The following RANBP17 variants were observed in gnomAD, a reference collection of about 807,000 sequenced individuals.
RANBP17 encodes RAN binding protein 17.
A neutral mutation model predicts 141.2 loss-of-function variants in RANBP17; 158 were observed. The observed-to-expected ratio is 1.12, with a 90% CI of 0.98 to 1.28. RANBP17 has a LOEUF of 1.28. Among genes scored for constraint, RANBP17 ranks in the 50% most tolerant of loss-of-function variants. The pLI is 0.00. For synonymous variants in RANBP17, 430 were observed against 450.0 expected (o/e 0.96, Z 0.56); for missense variants, 1,438 against 1,290.7 (o/e 1.11, Z -1.75).
At chr5:170,965,930 G>A in intron 13 of RANBP17, among the ~76,000 whole-genome samples, 1 of 152,086 alleles carries the variant, frequency 6.6e-6, no homozygotes, top group Non-Finnish European at 1.5e-5. Context: ...TTCCAATTCT[G>A]TGAAGAAAGT....
At position 171,298,877 on chromosome 5, in the gene RANBP17, G is replaced by T. The variant is rs1274674321; in HGVS notation, c.*19G>T. ...GAGCTGACCCGACTTTTCTGACCAT[G>T]TGCGGAGCAGCCTTTATCAAGAGAC... On this transcript the variant is annotated 3_prime_UTR_variant, in exon 28 of 28. Transcript: ENST00000523189. The T allele has an allele frequency of 6.3e-7, 1 of 1,596,522 alleles. No homozygotes were observed. Among genetic ancestry groups the T allele is most frequent in the Non-Finnish European group, 8.6e-7 (1 of 1,164,148 alleles).
intron 20 of RANBP17, among the ~76,000 whole-genome samples, chr5:171,210,347 A>G (rs1180843382): frequency 1.3e-5 from 2 of 152,050 alleles, no homozygotes; most frequent in South Asian, 2.1e-4. Context: ...TGTCAGAAGC[A>G]TATTAGAATT....
At chr5:170,933,836 A>G (rs930287778) in intron 12 of RANBP17, among the ~76,000 whole-genome samples, 5 of 152,130 alleles carry the variant, frequency 3.3e-5, no homozygotes, top group Non-Finnish European at 7.3e-5. Flanking sequence ...ACTTCCAACT[A>G]TGTGGTCAAT....
At chr5:170,898,079 C>A (rs1297249723) in intron 5 of RANBP17, among the ~76,000 whole-genome samples, 1 of 152,158 alleles carries the variant, frequency 6.6e-6, no homozygotes, top group Non-Finnish European at 1.5e-5. Context: ...CTGTTGTTTC[C>A]TGACTTTTTA....
At chr5:171,224,536 G>A (rs1333297251) in intron 22 of RANBP17, among the ~76,000 whole-genome samples, 1 of 152,180 alleles carries the variant, frequency 6.6e-6, no homozygotes, top group Non-Finnish European at 1.5e-5. Context: ...GGCTTCAAAG[G>A]TTGTTCTGTT....
At chr5:170,880,819 CAT>C (rs763921987) in intron 2 of RANBP17, among the ~76,000 whole-genome samples, 1 of 152,302 alleles carries the variant, frequency 6.6e-6, no homozygotes, top group East Asian at 1.9e-4. Flanking sequence ...ATATGATAGA[CAT>C]GTGCTGGTAA....
chr5:171,041,961 T>A (rs999349434), intron 14 of RANBP17, among the ~76,000 whole-genome samples: 1 of 152,110 alleles, frequency 6.6e-6, no homozygotes, highest in Non-Finnish European at 1.5e-5. Flanking sequence ...TTCTCATTAT[T>A]CTGCTCCCAC....
chr5:171,251,916 T>C (rs1765594116), intron 24 of RANBP17: 2 of 1,586,618 alleles, frequency 1.3e-6, no homozygotes, highest in Non-Finnish European at 8.7e-7. Context: ...TTCCAGTGAA[T>C]GAGCACTATT....
At chr5:170,914,843 G>GTTATTAAAAATTGT in intron 8 of RANBP17, among the ~76,000 whole-genome samples, 1 of 152,080 alleles carries the variant, frequency 6.6e-6, no homozygotes, top group East Asian at 1.9e-4. Context: ...ATCTGTCAAG[G>GTTATTAAAAATTGT]TTATTAAAAA....
intron 1 of RANBP17, among the ~76,000 whole-genome samples, chr5:170,862,309 C>A (rs955384221): frequency 6.6e-6 from 1 of 152,162 alleles, no homozygotes; most frequent in Non-Finnish European, 1.5e-5. Context: ...GGGCGGGGGA[C>A]AGGCCCAGGG....
At chr5:171,234,691 A>G (rs1183091787) in intron 22 of RANBP17, among the ~76,000 whole-genome samples, 1 of 152,220 alleles carries the variant, frequency 6.6e-6, no homozygotes. Context: ...AGATTTGAGC[A>G]CAAGCAACTA....
chr5:170,885,243 T>A (rs1769046682), intron 3 of RANBP17, among the ~76,000 whole-genome samples: 1 of 152,216 alleles, frequency 6.6e-6, no homozygotes, highest in Admixed American at 6.5e-5. Context: ...TTTTCTATAT[T>A]TAGCCAAGAT....
chr5:171,275,081 C>T (rs890593740), intron 25 of RANBP17, among the ~76,000 whole-genome samples: 1 of 152,012 alleles, frequency 6.6e-6, no homozygotes, highest in African/African-American at 2.4e-5. Context: ...GGATGGAATC[C>T]ACCAGATGTA....
rs188294667 is a variant in RANBP17, at chr5:170,979,638, C to G, written c.1710+11261C>G. ...ATAAAGGGGAGTTGTCCTGCATAAG[C>G]TATCTTAATTTGCCTGCTGCCATCC... On this transcript the variant is annotated intron_variant, in intron 14 of 27. Coordinates refer to ENST00000523189, the MANE Select transcript of RANBP17 (RefSeq NM_022897.5). Among the ~76,000 whole-genome samples the G allele has an allele frequency of 2.6e-4, 39 of 152,310 alleles. No individual in the cohort carries two copies. The East Asian group carries it at 7.2e-3, about 28-fold the overall frequency.
chr5:170,921,358 C>T (rs1772447516), intron 11 of RANBP17, among the ~76,000 whole-genome samples: 1 of 152,110 alleles, frequency 6.6e-6, no homozygotes. Context: ...ATAATTTCCC[C>T]ATTGCTTGTT....
chr5:170,928,770 C>G (rs954345494), intron 12 of RANBP17, among the ~76,000 whole-genome samples: 1 of 146,588 alleles, frequency 6.8e-6, no homozygotes, highest in African/African-American at 2.5e-5. Context: ...ATTATTTAAC[C>G]TTTTTTTTTT....
At chr5:170,976,795 A>C (rs1263775299) in intron 14 of RANBP17, among the ~76,000 whole-genome samples, 1 of 152,146 alleles carries the variant, frequency 6.6e-6, no homozygotes, top group Non-Finnish European at 1.5e-5. Flanking sequence ...ATGCTGGTAC[A>C]ACTGGATATT....
intron 25 of RANBP17, among the ~76,000 whole-genome samples, chr5:171,277,938 C>CTTTTTTTTTTTTTTTTTTTT (rs140208253): frequency 1.4e-5 from 1 of 72,266 alleles, no homozygotes; most frequent in Non-Finnish European, 2.3e-5. Flanking sequence ...GGACTTCTTT[C>CTTTTTTTTTTTTTTTTTTTT]TTTTTTTTTT....
At chr5:170,964,149 A>G (rs980243039) in intron 13 of RANBP17, among the ~76,000 whole-genome samples, 5 of 152,124 alleles carry the variant, frequency 3.3e-5, no homozygotes, top group African/African-American at 1.2e-4. Context: ...AATTATTTCA[A>G]TTTTTATGGA....
Sources: allele counts gnomAD v4.1 joint callset (sites outside exome capture counted in the v4.1 genomes callset), GRCh38; gene constraint gnomAD v4.1.1; transcripts MANE v1.5; gene names NCBI Gene and HGNC (gene_info 2026-07-23, HGNC 2026-07-21).